Variants in GFRA1 observed in about 807,000 individuals in gnomAD.
The protein encoded by GFRA1 is GDNF family receptor alpha 1.
A neutral mutation model predicts 51.6 loss-of-function variants in GFRA1; 16 were observed. That is an observed-to-expected ratio of 0.31 (90% confidence interval 0.21 to 0.47). The LOEUF (loss-of-function observed/expected upper bound fraction) is 0.47, where lower values mean the gene tolerates loss of function less well. Among genes scored for constraint, GFRA1 ranks in the 20% least tolerant of loss-of-function variants. GFRA1 has a pLI of 1.00. For missense variants in GFRA1, 530 were observed against 594.3 expected (o/e 0.89, Z 1.13); for synonymous variants, 270 against 241.3 (o/e 1.12, Z -1.10).
At chr10:116,111,980 G>A (rs765857275) in intron 6 of GFRA1, among the ~76,000 whole-genome samples, 19 of 152,170 alleles carry the variant, frequency 1.2e-4, no homozygotes, top group Admixed American at 4.6e-4. Flanking sequence ...GGGCCCTACA[G>A]AGCACCTGGA....
chr10:116,153,371 G>A (rs771713445), intron 5 of GFRA1, among the ~76,000 whole-genome samples: 1 of 152,190 alleles, frequency 6.6e-6, no homozygotes, highest in Non-Finnish European at 1.5e-5. Context: ...GTTTGTGCAC[G>A]TGAGGACTAG....
intron 9 of GFRA1, among the ~76,000 whole-genome samples, chr10:116,081,893 CAT>C (rs772023511): frequency 4.9e-4 from 75 of 152,246 alleles, no homozygotes; most frequent in Admixed American, 2.6e-3. Context: ...CATGCTTTCA[CAT>C]ATGTTAGTAA....
rs1221385527 is a variant in GFRA1 at position 116,061,251 on chromosome 10, A to G, written c.*3147T>C. Reference sequence around the variant, plus strand: ...ACTACAGCACAAAAGTCTGTTAAAAAAAAAAAAAAAGAAATGGAAACCACA... The same window carrying G: ...ACTACAGCACAAAAGTCTGTTAAAAGAAAAAAAAAAGAAATGGAAACCACA... On this transcript the variant is annotated 3_prime_UTR_variant, in exon 11 of 11. Coordinates refer to ENST00000355422, the MANE Select transcript of GFRA1 (RefSeq NM_005264.8). 6.6e-6 allele frequency: 1 copy of G among 152,024 alleles called. No individual in the cohort carries two copies. The highest frequency in any genetic ancestry group is 1.5e-5 in the Non-Finnish European group (1 of 68,000). The allele number at this position is 152,024 out of a possible 1,614,324, so 9.4% of individuals were successfully genotyped here.
chr10:116,177,283 G>T (rs889605537), intron 5 of GFRA1, among the ~76,000 whole-genome samples: 1 of 152,154 alleles, frequency 6.6e-6, no homozygotes, highest in Non-Finnish European at 1.5e-5. Flanking sequence ...AAGACAGGAT[G>T]CAGGAGACAG....
At chr10:116,079,183 T>C (rs1009163561) in intron 9 of GFRA1, among the ~76,000 whole-genome samples, 3 of 152,046 alleles carry the variant, frequency 2.0e-5, no homozygotes, top group African/African-American at 7.2e-5. Context: ...ATCTGCAACC[T>C]GGAAGAGAGC....
chr10:116,127,340 C>A (rs2420238), intron 5 of GFRA1, among the ~76,000 whole-genome samples: 54,529 of 152,004 alleles, frequency 0.36, 10,033 homozygotes, highest in East Asian at 0.41. Context: ...AGGAAAAGAA[C>A]AATTCTCCCT....
At chr10:116,247,903 G>A (rs1967996702) in intron 4 of GFRA1, among the ~76,000 whole-genome samples, 1 of 152,158 alleles carries the variant, frequency 6.6e-6, no homozygotes, top group Non-Finnish European at 1.5e-5. Flanking sequence ...AAGGCACTCT[G>A]AAAATACTTG....
intron 6 of GFRA1, among the ~76,000 whole-genome samples, chr10:116,101,100 G>T (rs1315364811): frequency 2.6e-5 from 4 of 152,184 alleles, no homozygotes; most frequent in Non-Finnish European, 4.4e-5. Context: ...ACTGCAGCCT[G>T]AGCACCTACT....
chr10:116,116,262 C>A (rs985673574), intron 6 of GFRA1, among the ~76,000 whole-genome samples: 2 of 152,188 alleles, frequency 1.3e-5, no homozygotes, highest in Non-Finnish European at 2.9e-5. Flanking sequence ...TCTCAAGATG[C>A]AATCCACAAA....
intron 5 of GFRA1, among the ~76,000 whole-genome samples, chr10:116,190,206 C>A (rs1274144590): frequency 6.6e-6 from 1 of 152,192 alleles, no homozygotes; most frequent in Non-Finnish European, 1.5e-5. Flanking sequence ...TGGCAATTCC[C>A]CTGCACTCAT....
At chr10:116,152,621 C>T (rs1048945668) in intron 5 of GFRA1, among the ~76,000 whole-genome samples, 1 of 152,334 alleles carries the variant, frequency 6.6e-6, no homozygotes, top group African/African-American at 2.4e-5. Flanking sequence ...CCACCAGGCC[C>T]CACCTCCAAT....
At chr10:116,263,696 C>G (rs950582588) in intron 4 of GFRA1, among the ~76,000 whole-genome samples, 1 of 152,170 alleles carries the variant, frequency 6.6e-6, no homozygotes, top group Non-Finnish European at 1.5e-5. Context: ...TGAAAGTCAC[C>G]AAGGTGCACA....
At chr10:116,229,551 C>T (rs1161792113) in intron 4 of GFRA1, among the ~76,000 whole-genome samples, 1 of 152,088 alleles carries the variant, frequency 6.6e-6, no homozygotes, top group African/African-American at 2.4e-5. Context: ...GTGATGTTCC[C>T]AGAATCTTAT....
intron 6 of GFRA1, among the ~76,000 whole-genome samples, chr10:116,118,426 C>T (rs1044141061): frequency 1.3e-5 from 2 of 152,122 alleles, no homozygotes; most frequent in Non-Finnish European, 2.9e-5. Flanking sequence ...TCTATGGCAC[C>T]GAGTTTTCTT....
At chr10:116,070,661 C>T (rs912996106) in intron 9 of GFRA1, among the ~76,000 whole-genome samples, 16 of 151,724 alleles carry the variant, frequency 1.1e-4, no homozygotes, top group African/African-American at 3.6e-4. Context: ...ACCAATTTGC[C>T]CAAATTAATT....
At chr10:116,091,976 T>A (rs1303945203) in intron 8 of GFRA1, among the ~76,000 whole-genome samples, 1 of 152,202 alleles carries the variant, frequency 6.6e-6, no homozygotes, top group Non-Finnish European at 1.5e-5. Flanking sequence ...AGGGAGAAGT[T>A]TTCCAGCCAG....
chr10:116,224,779 G>C (rs930260573), intron 4 of GFRA1, among the ~76,000 whole-genome samples: 4 of 152,170 alleles, frequency 2.6e-5, no homozygotes, highest in African/African-American at 9.6e-5. Context: ...AGAAAACTCT[G>C]AATATACTAA....
intron 4 of GFRA1, among the ~76,000 whole-genome samples, chr10:116,263,831 C>A (rs1969463957): frequency 6.6e-6 from 1 of 152,102 alleles, no homozygotes; most frequent in Non-Finnish European, 1.5e-5. Flanking sequence ...GGGGAGCATT[C>A]AAAAGACAGC....
At chr10:116,238,208 G>A (rs527419790) in intron 4 of GFRA1, among the ~76,000 whole-genome samples, 1 of 152,292 alleles carries the variant, frequency 6.6e-6, no homozygotes, top group Non-Finnish European at 1.5e-5. Flanking sequence ...TGCCGGGAAG[G>A]TGCAGCGTTT....
Sources: allele counts gnomAD v4.1 joint callset (sites outside exome capture counted in the v4.1 genomes callset), GRCh38; gene constraint gnomAD v4.1.1; transcripts MANE v1.5; gene names NCBI Gene and HGNC (gene_info 2026-07-23, HGNC 2026-07-21).